Variants in MAP4K4 observed in about 807,000 individuals in gnomAD.
The protein encoded by MAP4K4 is mitogen-activated protein kinase kinase kinase kinase 4.
A neutral mutation model predicts 189.6 loss-of-function variants in MAP4K4; 38 were observed. The observed-to-expected ratio is 0.20, with a 90% CI of 0.15 to 0.26. The LOEUF is 0.26. Among genes scored for constraint, MAP4K4 ranks in the 10% least tolerant of loss-of-function variants. The pLI, the probability that MAP4K4 is intolerant of heterozygous loss-of-function variation, is 1.00. For synonymous variants in MAP4K4, 610 were observed against 624.3 expected, an observed-to-expected ratio of 0.98 and a Z score of 0.34; for missense variants, 1,054 against 1,726.9, an observed-to-expected ratio of 0.61 and a Z score of 6.91.
intron 27 of MAP4K4, 120 bp downstream of exon 27, chr2:101,877,266 T>C (rs1043302629): frequency 4.1e-6 from 4 of 970,000 alleles, no homozygotes; most frequent in Non-Finnish European, 6.2e-6. Context: ...TACAACCACA[T>C]TGAGACTTGA....
rs538749488 is a variant in MAP4K4 at position 101,732,292 on chromosome 2, C to T, written c.123+33754C>T. On this transcript the variant is annotated intron_variant, in intron 2 of 32. Coordinates refer to ENST00000324219, the Ensembl canonical transcript of MAP4K4. ...ATTCCTTTGAGAACTGATTACCCCT[C>T]AGGAGTGTAATCAAGATGGGCTTGT... Among the ~76,000 whole-genome samples, 133 of 152,226 alleles carry T rather than the reference C, an allele frequency of 8.7e-4. 1 individual carries two copies. Among genetic ancestry groups the T allele is most frequent in the African/African-American group, 3.2e-3 (131 of 41,530 alleles).
At chr2:101,735,804 G>C (rs991768431) in intron 2 of MAP4K4, among the ~76,000 whole-genome samples, 1 of 152,142 alleles carries the variant, frequency 6.6e-6, no homozygotes, top group Admixed American at 6.5e-5. Context: ...AAATAGAAAT[G>C]GAAGTAGATA....
chr2:101,861,700 A>T (rs1439570101), intron 16 of MAP4K4: 2 of 152,194 alleles, frequency 1.3e-5, no homozygotes, highest in Non-Finnish European at 2.9e-5. Flanking sequence ...ATAGAGGAGA[A>T]CAAGCAACGA....
chr2:101,805,233 C>T (rs766575503), intron 3 of MAP4K4, among the ~76,000 whole-genome samples: 9 of 152,052 alleles, frequency 5.9e-5, no homozygotes, highest in South Asian at 2.1e-4. Context: ...AGAACTTTGC[C>T]GGTACCCCAG....
intron 2 of MAP4K4, among the ~76,000 whole-genome samples, chr2:101,733,518 G>C (rs6715712): frequency 0.036 from 5,431 of 152,270 alleles, 332 homozygotes; most frequent in African/African-American, 0.12. Flanking sequence ...GTGGTTGTAG[G>C]AGCAGCCACA....
exon 33 of MAP4K4, chr2:101,894,328 G>A (rs2098601001): frequency 6.6e-6 from 1 of 152,556 alleles, no homozygotes; most frequent in Non-Finnish European, 1.5e-5. Flanking sequence ...TCTGTATTGA[G>A]TGCAGTGTTT....
chr2:101,875,941 A>G (rs77574312), intron 26 of MAP4K4, among the ~76,000 whole-genome samples: 5,122 of 152,262 alleles, frequency 0.034, 294 homozygotes, highest in African/African-American at 0.11. Context: ...GATTGATTGG[A>G]TGTACATCAT....
chr2:101,787,845 C>G (rs1160185769), intron 2 of MAP4K4, among the ~76,000 whole-genome samples: 1 of 149,328 alleles, frequency 6.7e-6, no homozygotes, highest in East Asian at 2.0e-4. Context: ...GCTCTGTCAC[C>G]CAGGCTGGAG....
chr2:101,745,803 A>G (rs572815634), intron 2 of MAP4K4, among the ~76,000 whole-genome samples: 1 of 151,806 alleles, frequency 6.6e-6, no homozygotes, highest in South Asian at 2.1e-4. Context: ...ACACTGCCCT[A>G]GAATGTAAAT....
intron 2 of MAP4K4, among the ~76,000 whole-genome samples, chr2:101,734,908 T>C (rs1222013990): frequency 6.6e-6 from 1 of 152,134 alleles, no homozygotes; most frequent in Non-Finnish European, 1.5e-5. Flanking sequence ...TCTAAGACTC[T>C]TAGAACAGAA....
chr2:101,839,612 G>A (rs1022724368), intron 9 of MAP4K4, among the ~76,000 whole-genome samples: 2 of 152,206 alleles, frequency 1.3e-5, no homozygotes, highest in African/African-American at 2.4e-5. Context: ...GTGATAGGAT[G>A]CACCACTTAA....
chr2:101,790,844 G>T, intron 3 of MAP4K4, 68 bp downstream of exon 3: 4 of 1,303,824 alleles, frequency 3.1e-6, no homozygotes, highest in Non-Finnish European at 4.4e-6. Flanking sequence ...CAACAACACA[G>T]AGTATTACTC....
At chr2:101,746,242 C>T (rs1243475108) in intron 2 of MAP4K4, among the ~76,000 whole-genome samples, 1 of 151,396 alleles carries the variant, frequency 6.6e-6, no homozygotes, top group Non-Finnish European at 1.5e-5. Context: ...CAGTCTTAGC[C>T]TCCCAAAGCA....
chr2:101,785,711 TC>T (rs2090546171), intron 2 of MAP4K4, among the ~76,000 whole-genome samples: 2 of 7,036 alleles, frequency 2.8e-4, no homozygotes, highest in African/African-American at 2.0e-3. Context: ...TCTCTCTCTC[TC>T]TCTCTCTCTC....
In MAP4K4 at chr2:101,753,838, G is replaced by C. The variant is rs1443948576; in HGVS notation, c.124-36882G>C. On this transcript the variant is annotated intron_variant, in intron 2 of 32. Transcript: ENST00000324219. ...GTACCTCAGTCTTTGGTGGCTTGAA[G>C]AGTTAAACTACCTTGGTGTAAATGG... is the stretch of plus-strand genomic sequence containing the variant. Among the ~76,000 whole-genome samples the C allele has an allele frequency of 2.6e-5, 4 of 152,064 alleles. No individual in the cohort carries two copies. The East Asian group carries it at 7.7e-4, about 29-fold the overall frequency.
At chr2:101,698,356 C>T in intron 1 of MAP4K4, 117 bp from the exon 2 acceptor site, 3 of 1,034,304 alleles carry the variant, frequency 2.9e-6, no homozygotes, top group Non-Finnish European at 4.5e-6. Flanking sequence ...GCTGGGGGAC[C>T]GCGCGGGGCG....
intron 2 of MAP4K4, among the ~76,000 whole-genome samples, chr2:101,698,831 A>G (rs2036299358): frequency 6.6e-6 from 1 of 152,172 alleles, no homozygotes; most frequent in South Asian, 2.1e-4. Context: ...GACAACCTGA[A>G]TTTTTTCTTT....
At chr2:101,709,601 A>G (rs2044300924) in intron 2 of MAP4K4, among the ~76,000 whole-genome samples, 1 of 152,140 alleles carries the variant, frequency 6.6e-6, no homozygotes, top group South Asian at 2.1e-4. Flanking sequence ...GAACTAGGCC[A>G]AACTAGTTTT....
At chr2:101,841,702 C>T (rs1396287060) in intron 10 of MAP4K4, among the ~76,000 whole-genome samples, 3 of 152,074 alleles carry the variant, frequency 2.0e-5, no homozygotes, top group African/African-American at 4.8e-5. Context: ...CCCCTGATCT[C>T]GTGATCTGCC....
Sources: allele counts gnomAD v4.1 joint callset (sites outside exome capture counted in the v4.1 genomes callset), GRCh38; gene constraint gnomAD v4.1.1; transcripts MANE v1.5; gene names NCBI Gene and HGNC (gene_info 2026-07-23, HGNC 2026-07-21).